The following EDEM2 variants were observed in gnomAD, a reference collection of about 807,000 sequenced individuals.
EDEM2 encodes the protein ER degradation-enhancing alpha-mannosidase-like protein 2.
In EDEM2, 39 loss-of-function variants were observed where a neutral mutation model predicts 64.8. The ratio of observed to expected loss-of-function variants is 0.60; its 90% CI spans 0.47 to 0.79. EDEM2 has a LOEUF of 0.79. EDEM2 is among the 30% of genes least tolerant of loss of function. The pLI is 0.00. For synonymous variants in EDEM2, 296 were observed against 291.5 expected (o/e 1.02, Z -0.16); for missense variants, 609 against 731.3 (o/e 0.83, Z 1.93).
intron 6 of EDEM2, among the ~76,000 whole-genome samples, chr20:35,134,441 C>T (rs921570858): frequency 3.9e-5 from 6 of 152,042 alleles, no homozygotes; most frequent in Admixed American, 1.3e-4. Flanking sequence ...GATCTGAAGC[C>T]GTCAAGTGAG....
intron 5 of EDEM2, among the ~76,000 whole-genome samples, chr20:35,137,536 C>G (rs2085593778): frequency 6.6e-6 from 1 of 152,166 alleles, no homozygotes; most frequent in African/African-American, 2.4e-5. Flanking sequence ...TCCCTGGGCC[C>G]CTGTTACTCC....
intron 9 of EDEM2, among the ~76,000 whole-genome samples, chr20:35,121,993 T>C (rs1304319093): frequency 2.6e-5 from 4 of 152,180 alleles, no homozygotes; most frequent in Admixed American, 1.3e-4. Context: ...CTTGCTATGT[T>C]GCCCAGGCTG....
In EDEM2 at chr20:35,147,137, C is replaced by A; in HGVS notation, c.107+15G>T. On this transcript the variant is annotated intron_variant, in intron 1 of 10. Transcript: ENST00000374492. Reference sequence around the variant, plus strand: ...TTCCCATTCCCCAACTGCGAAAGGGCGGGTCACAGTTCACCTGTAGTGGGC... The same window carrying A: ...TTCCCATTCCCCAACTGCGAAAGGGAGGGTCACAGTTCACCTGTAGTGGGC... The A allele has an allele frequency of 2.5e-6, 4 of 1,596,758 alleles. No individual in the cohort carries two copies. Among genetic ancestry groups the A allele is most frequent in the Non-Finnish European group, 3.4e-6 (4 of 1,169,386 alleles).
At chr20:35,117,787 G>T (rs989741246) in intron 10 of EDEM2, among the ~76,000 whole-genome samples, 7 of 151,974 alleles carry the variant, frequency 4.6e-5, no homozygotes, top group Non-Finnish European at 1.0e-4. Flanking sequence ...TTCCTGCATG[G>T]ATGTGAGATG....
intron 4 of EDEM2, among the ~76,000 whole-genome samples, chr20:35,140,903 T>G (rs961490485): frequency 6.6e-6 from 1 of 151,960 alleles, no homozygotes; most frequent in Non-Finnish European, 1.5e-5. Context: ...GCGGATCACC[T>G]GAGGTCAGGA....
rs1465194118 is a variant in EDEM2 at position 35,147,139 on chromosome 20, G to A, written c.107+13C>T. ...CCCATTCCCCAACTGCGAAAGGGCG[G>A]GTCACAGTTCACCTGTAGTGGGCGG... On this transcript the variant is annotated intron_variant, in intron 1 of 10. Transcript: ENST00000374492. 2 of 1,598,288 alleles carry A rather than the reference G, an allele frequency of 1.3e-6. No individual in the cohort carries two copies. The highest frequency in any genetic ancestry group is 1.7e-6 in the Non-Finnish European group (2 of 1,170,288).
At chr20:35,133,621 C>G (rs1258562320) in intron 6 of EDEM2, among the ~76,000 whole-genome samples, 1 of 152,084 alleles carries the variant, frequency 6.6e-6, no homozygotes, top group Non-Finnish European at 1.5e-5. Context: ...CATGCACCAC[C>G]ACGCCCGGCT....
chr20:35,135,269 A>G (rs1569180533), intron 5 of EDEM2, among the ~76,000 whole-genome samples: 2 of 152,226 alleles, frequency 1.3e-5, no homozygotes, highest in Non-Finnish European at 2.9e-5. Flanking sequence ...ACGCCTTCAA[A>G]GCCCAGGCAG....
intron 3 of EDEM2, among the ~76,000 whole-genome samples, chr20:35,143,406 C>T (rs1371533632): frequency 6.6e-6 from 1 of 152,122 alleles, no homozygotes; most frequent in Non-Finnish European, 1.5e-5. Flanking sequence ...GAGACCATGA[C>T]GTACTAAGCA....
At chr20:35,121,014 A>T (rs1217808257) in intron 9 of EDEM2, among the ~76,000 whole-genome samples, 1 of 152,166 alleles carries the variant, frequency 6.6e-6, no homozygotes, top group East Asian at 1.9e-4. Context: ...TGTGCATCTG[A>T]CCAACTCTGT....
chr20:35,141,589 A>G (rs1240861407), intron 4 of EDEM2, among the ~76,000 whole-genome samples: 2 of 152,288 alleles, frequency 1.3e-5, no homozygotes, highest in East Asian at 3.9e-4. Context: ...GAAAACATAC[A>G]AAATAATGGG....
chr20:35,126,164 C>T, intron 8 of EDEM2, 87 bp downstream of exon 8: 3 of 1,534,126 alleles, frequency 2.0e-6, no homozygotes, highest in Non-Finnish European at 2.6e-6. Flanking sequence ...AAGCAATTAA[C>T]AAAGTACATT....
rs754388669 is a variant in EDEM2, at chr20:35,147,147, T to G, written c.107+5A>C. ...CCAACTGCGAAAGGGCGGGTCACAG[T>G]TCACCTGTAGTGGGCGGGATCTGGC... is the stretch of plus-strand genomic sequence containing the variant. On this transcript the variant is annotated splice_donor_5th_base_variant and intron_variant, in intron 1 of 10. Coordinates refer to ENST00000374492, the MANE Select transcript of EDEM2 (RefSeq NM_018217.3). 1 of 1,600,824 alleles carries G rather than the reference T, an allele frequency of 6.2e-7. No individual in the cohort carries two copies. The highest frequency in any genetic ancestry group is 8.5e-7 in the Non-Finnish European group (1 of 1,171,764).
chr20:35,115,984 T>TA lies in EDEM2; in HGVS notation c.1237-52dup, dbSNP rs146342507. The TA allele has an allele frequency of 0.018, 28,835 of 1,583,118 alleles. 4,493 individuals are homozygous for TA. The African/African-American group carries it at 0.34, about 19-fold the overall frequency. On this transcript the variant is annotated intron_variant, in intron 10 of 10. Coordinates refer to ENST00000374492, the MANE Select transcript of EDEM2 (RefSeq NM_018217.3). ...CTGGAACACCATCACAATTTAGTAG[T>TA]AAGGGTCAGGCAATCCCTTAAGAAG...
chr20:35,136,190 A>C (rs912576416), intron 5 of EDEM2, among the ~76,000 whole-genome samples: 1 of 152,244 alleles, frequency 6.6e-6, no homozygotes, highest in East Asian at 1.9e-4. Flanking sequence ...GCAATATTTC[A>C]GAAAAAGTCA....
intron 3 of EDEM2, 58 bp from the exon 4 acceptor site, chr20:35,142,536 G>GTAAGATCCCAGAT: frequency 1.5e-6 from 2 of 1,330,308 alleles, no homozygotes; most frequent in Non-Finnish European, 2.1e-6. Context: ...GGCAGATTCA[G>GTAAGATCCCAGAT]AGTCTGGGAT....
intron 6 of EDEM2, among the ~76,000 whole-genome samples, chr20:35,132,072 G>A (rs989937515): frequency 3.3e-5 from 5 of 152,234 alleles, no homozygotes; most frequent in African/African-American, 9.6e-5. Context: ...TGCCTAGAGT[G>A]AGTGTGAGAT....
chr20:35,137,389 A>T (rs983297622), intron 5 of EDEM2, among the ~76,000 whole-genome samples: 3 of 152,214 alleles, frequency 2.0e-5, no homozygotes, highest in African/African-American at 7.2e-5. Flanking sequence ...ACTGCACTCC[A>T]GCCTGGGCGA....
intron 8 of EDEM2, among the ~76,000 whole-genome samples, chr20:35,124,352 A>G (rs2085404828): frequency 6.6e-6 from 1 of 151,872 alleles, no homozygotes; most frequent in Admixed American, 6.6e-5. Context: ...AGAATAGAGA[A>G]AAGTTTGTGC....
Sources: allele counts gnomAD v4.1 joint callset (sites outside exome capture counted in the v4.1 genomes callset), GRCh38; gene constraint gnomAD v4.1.1; transcripts MANE v1.5; gene names NCBI Gene and HGNC (gene_info 2026-07-23, HGNC 2026-07-21).